MPPED1: variants seen among roughly 807,000 people sequenced by gnomAD.
MPPED1 encodes the protein metallophosphoesterase domain containing 1, also known as metallophosphoesterase domain-containing protein 1.
Under a neutral mutation model 36.2 loss-of-function variants are expected in MPPED1, and 16 were observed. That is an observed-to-expected ratio of 0.44 (90% CI 0.30 to 0.67). The LOEUF is 0.67. MPPED1 is among the 30% of genes least tolerant of loss of function. The pLI, the probability that MPPED1 is intolerant of heterozygous loss-of-function variation, is 0.10. For synonymous variants in MPPED1, 199 were observed against 191.3 expected, an observed-to-expected ratio of 1.04 and a Z score of -0.33; for missense variants, 307 against 453.4, an observed-to-expected ratio of 0.68 and a Z score of 2.93.
At chr22:43,460,285 C>G (rs759785179) in intron 3 of MPPED1, among the ~76,000 whole-genome samples, 5 of 106,582 alleles carry the variant, frequency 4.7e-5, no homozygotes, top group Non-Finnish European at 1.0e-4. Context: ...AAACCCAAAG[C>G]AAAACAAAAC....
intron 3 of MPPED1, among the ~76,000 whole-genome samples, chr22:43,473,051 C>T (rs1931429916): frequency 6.6e-6 from 1 of 152,200 alleles, no homozygotes; most frequent in East Asian, 1.9e-4. Context: ...GCATCCGTTT[C>T]CAATAAGAAA....
intron 3 of MPPED1, among the ~76,000 whole-genome samples, chr22:43,465,581 G>C (rs555930546): frequency 2.0e-5 from 3 of 152,186 alleles, no homozygotes; most frequent in African/African-American, 7.2e-5. Context: ...AAATCAACCC[G>C]CGGTTGGTTT....
chr22:43,470,535 A>G lies in MPPED1; in HGVS notation c.407-4201A>G, dbSNP rs149196054. Among the ~76,000 whole-genome samples, 462 of 152,298 alleles carry G rather than the reference A, an allele frequency of 3.0e-3. 3 individuals are homozygous for G. Among genetic ancestry groups the G allele is most frequent in the Middle Eastern group, 0.01 (3 of 294 alleles). ...CATTCATTCATCCATGCATGCATCC[A>G]TCTATCCATGTGTGCATCCATATAT... On this transcript the variant is annotated intron_variant, in intron 3 of 6. Transcript: ENST00000443721.
chr22:43,475,121 G>A (rs999872431), intron 4 of MPPED1, among the ~76,000 whole-genome samples, 160 bp downstream of exon 4: 1 of 152,134 alleles, frequency 6.6e-6, no homozygotes, highest in Non-Finnish European at 1.5e-5. Context: ...GCAGGTCACC[G>A]CTGCTCTCTG....
intron 1 of MPPED1, among the ~76,000 whole-genome samples, chr22:43,422,894 T>G (rs1929324402): frequency 6.6e-6 from 1 of 152,188 alleles, no homozygotes; most frequent in African/African-American, 2.4e-5. Context: ...TGGAGTGCAG[T>G]GGCGCTGTCT....
At chr22:43,501,323 C>G (rs1932727236) in intron 5 of MPPED1, among the ~76,000 whole-genome samples, 1 of 152,224 alleles carries the variant, frequency 6.6e-6, no homozygotes, top group Non-Finnish European at 1.5e-5. Flanking sequence ...TTCCATATCT[C>G]CTTTTTTCCT....
rs1601947524 is a variant in MPPED1 at position 43,425,143 on chromosome 22, A to G, written c.158A>G (p.Asn53Ser). Residue 53 changes from asparagine (N) to serine (S), a missense_variant, in exon 2 of 7, where the codon AAC becomes AGC. Asn to Ser is a conservative substitution (Grantham distance 46). Around this residue, in one of 3 missense-constraint regions of MPPED1, gnomAD observed 169 missense variants for 212.3 expected, o/e 0.80. Coordinates refer to ENST00000443721, the MANE Select transcript of MPPED1 (RefSeq NM_001044370.2). ...LIIEVDEYSS[N>S]PTQAFTFYNI... ...ATCGAGGTGGACGAGTACAGCTCCA[A>G]CCCCACCCAGGCCTTCACCTTCTAC... The G allele has an allele frequency of 1.9e-6, 3 of 1,553,802 alleles. No individual in the cohort carries two copies. In the African/African-American group the frequency reaches 4.2e-5, roughly 22 times the overall value.
chr22:43,484,914 T>C (rs1405250202), intron 4 of MPPED1, among the ~76,000 whole-genome samples: 1 of 152,232 alleles, frequency 6.6e-6, no homozygotes, highest in Non-Finnish European at 1.5e-5. Flanking sequence ...TACTGGCTTC[T>C]TAGAATTCTG....
chr22:43,421,433 C>T (rs1479835230), intron 1 of MPPED1, among the ~76,000 whole-genome samples: 1 of 152,262 alleles, frequency 6.6e-6, no homozygotes, highest in Non-Finnish European at 1.5e-5. Context: ...CCCTTTGGTG[C>T]AGAGCGGTTC....
At chr22:43,455,298 T>C (rs1320429707) in intron 3 of MPPED1, among the ~76,000 whole-genome samples, 1 of 151,864 alleles carries the variant, frequency 6.6e-6, no homozygotes, top group Non-Finnish European at 1.5e-5. Flanking sequence ...TTAGTAGAGA[T>C]GGGGTTTCAC....
chr22:43,439,503 G>A (rs1930075949), intron 3 of MPPED1, among the ~76,000 whole-genome samples: 1 of 152,254 alleles, frequency 6.6e-6, no homozygotes, highest in Non-Finnish European at 1.5e-5. Context: ...GGGAGGTGGG[G>A]CGGCTGGAGG....
intron 3 of MPPED1, among the ~76,000 whole-genome samples, chr22:43,441,561 A>G (rs184583683): frequency 2.0e-5 from 3 of 152,328 alleles, no homozygotes; most frequent in African/African-American, 4.8e-5. Context: ...GGGCCCATTA[A>G]TTAAGTGGCA....
intron 4 of MPPED1, among the ~76,000 whole-genome samples, chr22:43,482,899 G>A (rs1931794905): frequency 6.6e-6 from 1 of 152,200 alleles, no homozygotes; most frequent in South Asian, 2.1e-4. Flanking sequence ...GGAGCAGCCT[G>A]GAACTTGAAA....
intron 5 of MPPED1, among the ~76,000 whole-genome samples, chr22:43,501,918 C>T (rs533942610): frequency 1.1e-3 from 173 of 152,120 alleles, no homozygotes; most frequent in Non-Finnish European, 1.9e-3. Flanking sequence ...GTGGAAGCTT[C>T]CCCTGTCCCC....
intron 3 of MPPED1, among the ~76,000 whole-genome samples, chr22:43,450,615 C>A (rs1208384433): frequency 1.3e-5 from 2 of 152,162 alleles, no homozygotes; most frequent in Non-Finnish European, 1.5e-5. Flanking sequence ...TAGGGCCTGG[C>A]ATGGGGTAAA....
At position 43,474,956 on chromosome 22, in the gene MPPED1, C is replaced by A. The variant is rs779567167; in HGVS notation, c.627C>A (p.Ser209=). The A allele has an allele frequency of 9.9e-6, 16 of 1,613,734 alleles. No homozygotes were observed. Among genetic ancestry groups the A allele is most frequent in the Non-Finnish European group, 1.4e-5 (16 of 1,179,838 alleles). ...VTVRGFRIYG[S]PWQPWFYGWG... is the part of the protein sequence containing the mutation. ...TGCGGGGCTTCCGGATCTATGGCTC[C>A]CCATGGTGAGTGGGCCTGGGTGCTG... The change falls in exon 4 of 7, where the codon TCC becomes TCA. Residue 209 remains serine, a synonymous_variant. Transcript: ENST00000443721. This position sits in a 1 kb window ranked among gnomAD's most constrained non-coding sequence, Gnocchi z 5.2.
chr22:43,467,145 C>T (rs1931200845), intron 3 of MPPED1, among the ~76,000 whole-genome samples: 1 of 152,226 alleles, frequency 6.6e-6, no homozygotes, highest in Non-Finnish European at 1.5e-5. Context: ...GGTTCTCATT[C>T]TGGCCAGAGA....
At chr22:43,428,066 G>A (rs1445790550) in intron 2 of MPPED1, among the ~76,000 whole-genome samples, 1 of 152,212 alleles carries the variant, frequency 6.6e-6, no homozygotes, top group Non-Finnish European at 1.5e-5. Flanking sequence ...TTGGGACCCA[G>A]CAGTGATCGA....
At chr22:43,495,663 TGGAGG>T (rs1932284618) in intron 4 of MPPED1, among the ~76,000 whole-genome samples, 1 of 79,524 alleles carries the variant, frequency 1.3e-5, no homozygotes, top group Non-Finnish European at 2.6e-5. Context: ...GTAGTGGTGG[TGGAGG>T]TGGTGGTGGT....
Sources: gnomAD v4.1 joint callset for allele counts (sites outside exome capture counted in the v4.1 genomes callset) on GRCh38, gnomAD v4.1.1 for gene constraint, gnomAD v4.1.1 regional missense constraint, Gnocchi (gnomAD v3.1) non-coding constraint, MANE v1.5 for transcripts, NCBI Gene and HGNC (gene_info 2026-07-23, HGNC 2026-07-21) for gene names.